The following ADTRP variants were observed in gnomAD, a reference collection of about 807,000 sequenced individuals.
ADTRP encodes androgen dependent TFPI regulating protein.
A neutral mutation model predicts 27.0 loss-of-function variants in ADTRP; 20 were observed. That is an observed-to-expected ratio of 0.74 (90% CI 0.52 to 1.08). The LOEUF is 1.08. ADTRP is among the 50% of genes least tolerant of loss of function. The pLI, the probability that ADTRP is intolerant of heterozygous loss-of-function variation, is 0.00. For synonymous variants in ADTRP, 101 were observed against 105.2 expected, an observed-to-expected ratio of 0.96 and a Z score of 0.25; for missense variants, 251 against 275.0, an observed-to-expected ratio of 0.91 and a Z score of 0.62.
At chr6:11,755,271 G>T (rs1232766745) in intron 3 of ADTRP, among the ~76,000 whole-genome samples, 2 of 151,506 alleles carry the variant, frequency 1.3e-5, no homozygotes, top group Non-Finnish European at 2.9e-5. Context: ...TTTTTTACTG[G>T]TTTTCTTCTG....
At chr6:11,725,046 T>G (rs990242720) in intron 4 of ADTRP, among the ~76,000 whole-genome samples, 4 of 152,240 alleles carry the variant, frequency 2.6e-5, no homozygotes, top group African/African-American at 9.6e-5. Context: ...TGAAATTCTG[T>G]GCTTAAACTT....
At chr6:11,763,242 G>A (rs974333240) in intron 3 of ADTRP, among the ~76,000 whole-genome samples, 5 of 152,218 alleles carry the variant, frequency 3.3e-5, no homozygotes, top group African/African-American at 1.2e-4. Context: ...TGAGCTGGGA[G>A]CAGTCCAAAG....
intron 1 of ADTRP, among the ~76,000 whole-genome samples, chr6:11,772,995 G>T (rs939612321): frequency 5.9e-5 from 9 of 152,182 alleles, no homozygotes; most frequent in African/African-American, 2.2e-4. Flanking sequence ...GAGGACAACG[G>T]GCTTCAGTAC....
chr6:11,770,550 G>GGGGGTA (rs1186508031), intron 1 of ADTRP, among the ~76,000 whole-genome samples: 1 of 152,108 alleles, frequency 6.6e-6, no homozygotes, highest in African/African-American at 2.4e-5. Context: ...AAGAACGGCC[G>GGGGGTA]GGGGTAGAAG....
chr6:11,778,588 T>C lies in ADTRP; in HGVS notation c.153+19A>G. 2 of 1,611,148 alleles carry C rather than the reference T, an allele frequency of 1.2e-6. No individual in the cohort carries two copies. Among genetic ancestry groups the C allele is most frequent in the East Asian group, 2.2e-5 (1 of 44,826 alleles). Reference sequence around the variant, plus strand: ...TCTAGAGAAATGGATCGGTTCCTGGTACGGACATATGGACTTACCAGATTA... The same window carrying C: ...TCTAGAGAAATGGATCGGTTCCTGGCACGGACATATGGACTTACCAGATTA... On this transcript the variant is annotated intron_variant, in intron 1 of 5. Coordinates refer to ENST00000414691, the MANE Select transcript of ADTRP (RefSeq NM_032744.4).
intron 3 of ADTRP, among the ~76,000 whole-genome samples, chr6:11,752,618 C>A (rs1763093944): frequency 6.6e-6 from 1 of 152,244 alleles, no homozygotes; most frequent in South Asian, 2.1e-4. Flanking sequence ...GAACTGCTAT[C>A]ATTGATCTCA....
At chr6:11,726,091 C>G (rs780934205) in intron 4 of ADTRP, among the ~76,000 whole-genome samples, 1 of 152,102 alleles carries the variant, frequency 6.6e-6, no homozygotes, top group Non-Finnish European at 1.5e-5. Flanking sequence ...CATGCTACCA[C>G]ACAGATCAAC....
intron 3 of ADTRP, among the ~76,000 whole-genome samples, chr6:11,746,963 C>T (rs986164649): frequency 1.2e-4 from 18 of 152,170 alleles, no homozygotes; most frequent in African/African-American, 3.1e-4. Context: ...AGGCCACTGC[C>T]GTCAGTTCCA....
rs533207540 is a variant in ADTRP at position 11,732,711 on chromosome 6, C to T, written c.506+2857G>A. ...AATCCCAAACCACCTCAGCTCCCCA[C>T]TGGGCACTGGGGCTCACCCAGTCAC... On this transcript the variant is annotated intron_variant, in intron 4 of 5. Transcript: ENST00000414691. Among the ~76,000 whole-genome samples the T allele has an allele frequency of 9.8e-5, 15 of 152,332 alleles. No homozygotes were observed. The South Asian group carries it at 2.3e-3, about 23-fold the overall frequency.
chr6:11,770,888 G>T (rs957529731), intron 1 of ADTRP, among the ~76,000 whole-genome samples: 3 of 152,186 alleles, frequency 2.0e-5, no homozygotes, highest in African/African-American at 4.8e-5. Flanking sequence ...CACAGGCTTG[G>T]GCCCAGGGGA....
intron 3 of ADTRP, among the ~76,000 whole-genome samples, chr6:11,764,909 A>G (rs1763509796): frequency 6.6e-6 from 1 of 151,744 alleles, no homozygotes; most frequent in Non-Finnish European, 1.5e-5. Context: ...AAAAAAAAAA[A>G]AAAAAAAAGC....
chr6:11,716,740 G>A (rs561397278), intron 5 of ADTRP, among the ~76,000 whole-genome samples: 31 of 64,368 alleles, frequency 4.8e-4, no homozygotes, highest in Middle Eastern at 0.01. Context: ...TTTGAGACAG[G>A]GTCTTCCTCT....
At chr6:11,732,203 C>CG (rs1282002655) in intron 4 of ADTRP, among the ~76,000 whole-genome samples, 1 of 152,170 alleles carries the variant, frequency 6.6e-6, no homozygotes, top group African/African-American at 2.4e-5. Context: ...GCGGTCCCCA[C>CG]GGTCTCAGGA....
At chr6:11,719,105 G>A (rs1260130573) in intron 5 of ADTRP, among the ~76,000 whole-genome samples, 1 of 152,200 alleles carries the variant, frequency 6.6e-6, no homozygotes, top group Non-Finnish European at 1.5e-5. Context: ...TCTCAGTCCA[G>A]CAGCCCACTC....
intron 3 of ADTRP, among the ~76,000 whole-genome samples, chr6:11,743,279 A>G (rs1178792599): frequency 6.6e-6 from 1 of 152,186 alleles, no homozygotes; most frequent in Non-Finnish European, 1.5e-5. Flanking sequence ...ACTCCTCTCC[A>G]GCCTCTCCTT....
chr6:11,740,754 G>A (rs2781127), intron 3 of ADTRP, among the ~76,000 whole-genome samples: 18 of 152,196 alleles, frequency 1.2e-4, no homozygotes, highest in South Asian at 2.1e-4. Flanking sequence ...GGTGATGGTC[G>A]GTGACATTTT....
At chr6:11,774,083 C>G (rs545103541) in intron 1 of ADTRP, among the ~76,000 whole-genome samples, 4 of 152,010 alleles carry the variant, frequency 2.6e-5, no homozygotes, top group African/African-American at 4.8e-5. Context: ...CCAAGGCAGG[C>G]GGATCACAAG....
intron 3 of ADTRP, among the ~76,000 whole-genome samples, chr6:11,757,661 C>T (rs746858106): frequency 1.3e-5 from 2 of 152,134 alleles, no homozygotes; most frequent in Admixed American, 6.5e-5. Flanking sequence ...CACAGAGGCA[C>T]ATATCTGCAA....
intron 1 of ADTRP, among the ~76,000 whole-genome samples, chr6:11,774,547 G>C (rs1763890163): frequency 6.6e-6 from 1 of 151,976 alleles, no homozygotes. Flanking sequence ...GAGAAGTTGA[G>C]GGTGATGACG....
Sources: gnomAD v4.1 joint callset for allele counts (sites outside exome capture counted in the v4.1 genomes callset) on GRCh38, gnomAD v4.1.1 for gene constraint, MANE v1.5 for transcripts, NCBI Gene and HGNC (gene_info 2026-07-23, HGNC 2026-07-21) for gene names.